CNTNAP3B: variants seen among roughly 807,000 people sequenced by gnomAD.
CNTNAP3B encodes contactin associated protein family member 3B, also known as contactin-associated protein-like 3B.
CNTNAP3B carries 25 observed loss-of-function variants against 108.9 expected under a neutral mutation model. That is an observed-to-expected ratio of 0.23 (90% CI 0.17 to 0.32). The LOEUF (loss-of-function observed/expected upper bound fraction) is 0.32. Ranked by LOEUF, CNTNAP3B falls within the 10% of genes least tolerant of loss-of-function variation. The pLI is 1.00. For missense variants in CNTNAP3B, 252 were observed against 1,210.4 expected, an observed-to-expected ratio of 0.21 and a Z score of 11.75; for synonymous variants, 103 against 473.4, an observed-to-expected ratio of 0.22 and a Z score of 10.16.
At chr9:41,925,090 T>C (rs932096247) in intron 15 of CNTNAP3B, among the ~76,000 whole-genome samples, 55 of 152,124 alleles carry the variant, frequency 3.6e-4, no homozygotes, top group Middle Eastern at 3.4e-3. Context: ...TTCTCCAACA[T>C]GAAGTTATTA....
Position 41,973,725 on chromosome 9 carries a change from G to A in CNTNAP3B, c.1478-3480C>T, listed in dbSNP as rs900503653. ...CAGGCTATATGCACAACCTGCAACC[G>A]TACAGAGTGCTGCTTGAAAAACACT... On this transcript the variant is annotated intron_variant, in intron 9 of 23. Coordinates refer to ENST00000377561, the MANE Select transcript of CNTNAP3B (RefSeq NM_001201380.3). 8.2e-4 allele frequency among the ~76,000 whole-genome samples: 114 copies of A among 139,626 alleles called. 20 individuals carry two copies. The highest frequency in any genetic ancestry group is 1.5e-3 in the Non-Finnish European group (97 of 65,002). The allele number at this position is 139,626 out of a possible 152,430, so 91.6% of individuals were successfully genotyped here. A position where few individuals can be genotyped will look rare whatever the true frequency, so the allele number is the denominator to read the frequency against.
intron 14 of CNTNAP3B, among the ~76,000 whole-genome samples, chr9:41,932,608 C>T (rs1824012878): frequency 6.6e-6 from 1 of 152,340 alleles, no homozygotes; most frequent in African/African-American, 2.4e-5. Flanking sequence ...CAACCTCCAC[C>T]CCCAGGATTC....
intron 13 of CNTNAP3B, among the ~76,000 whole-genome samples, chr9:41,951,754 T>G (rs1369034518): frequency 6.6e-6 from 1 of 152,038 alleles, no homozygotes; most frequent in Non-Finnish European, 1.5e-5. Flanking sequence ...AGATGCCGAC[T>G]GCACAGGTCT....
At chr9:41,958,547 C>A (rs552096043) in intron 12 of CNTNAP3B, among the ~76,000 whole-genome samples, 5 of 152,028 alleles carry the variant, frequency 3.3e-5, no homozygotes, top group African/African-American at 1.2e-4. Flanking sequence ...GTTCTGTAGT[C>A]CTGTGATTAG....
chr9:42,085,691 G>A (rs1204456949), intron 2 of CNTNAP3B, among the ~76,000 whole-genome samples: 2 of 133,912 alleles, frequency 1.5e-5, no homozygotes, highest in African/African-American at 6.2e-5. Flanking sequence ...CTGCATGACA[G>A]TTGAGCTGTC....
intron 2 of CNTNAP3B, among the ~76,000 whole-genome samples, chr9:42,097,966 G>A (rs1465775272): frequency 7.3e-6 from 1 of 137,884 alleles, no homozygotes; most frequent in Non-Finnish European, 1.6e-5. Context: ...GAGATCCATG[G>A]AAATGATGTA....
intron 9 of CNTNAP3B, among the ~76,000 whole-genome samples, chr9:41,977,431 T>C (rs948018266): frequency 7.2e-6 from 1 of 139,734 alleles, no homozygotes; most frequent in African/African-American, 2.8e-5. Context: ...TAGCAAATGT[T>C]TTAATACAAT....
intron 1 of CNTNAP3B, among the ~76,000 whole-genome samples, chr9:42,126,611 C>T (rs1828576097): frequency 7.4e-6 from 1 of 136,016 alleles, no homozygotes. Context: ...CTCTTGTTGC[C>T]CAGGCTGGAG....
intron 13 of CNTNAP3B, among the ~76,000 whole-genome samples, chr9:41,946,237 GGA>G (rs1824532162): frequency 7.4e-6 from 1 of 134,824 alleles, no homozygotes; most frequent in Non-Finnish European, 1.6e-5. Context: ...TCAATCAACT[GGA>G]TCTAACTGAA....
chr9:41,921,015 A>G (rs1340605025), intron 17 of CNTNAP3B, among the ~76,000 whole-genome samples: 6 of 152,288 alleles, frequency 3.9e-5, no homozygotes. Context: ...TGAAGGCGAC[A>G]ATTCTCAATG....
At chr9:42,085,838 G>A (rs1347833041) in intron 2 of CNTNAP3B, among the ~76,000 whole-genome samples, 2 of 142,724 alleles carry the variant, frequency 1.4e-5, no homozygotes, top group East Asian at 4.1e-4. Context: ...AGAGTAATTG[G>A]TAACATTAAG....
At chr9:41,942,995 T>C (rs566104173) in intron 13 of CNTNAP3B, among the ~76,000 whole-genome samples, 68 of 152,340 alleles carry the variant, frequency 4.5e-4, no homozygotes, top group African/African-American at 1.4e-3. Context: ...AATACAGTCT[T>C]ATGAGACGAA....
At chr9:41,961,648 T>C (rs1462660907) in intron 11 of CNTNAP3B, among the ~76,000 whole-genome samples, 1 of 152,306 alleles carries the variant, frequency 6.6e-6, no homozygotes, top group East Asian at 1.9e-4. Flanking sequence ...AAATGGAATT[T>C]ATAAGCTATC....
rs1291521701 is a variant in CNTNAP3B at position 42,113,934 on chromosome 9, C to G, written c.86-9195G>C. 2.2e-5 allele frequency among the ~76,000 whole-genome samples: 3 copies of G among 136,396 alleles called. 1 individual carries two copies. The highest frequency in any genetic ancestry group is 8.8e-5 in the African/African-American group (3 of 34,142). The allele number at this position is 136,396 out of a possible 152,430, so 89.5% of individuals were successfully genotyped here. A position where few individuals can be genotyped will look rare whatever the true frequency, so the allele number is the denominator to read the frequency against. On this transcript the variant is annotated intron_variant, in intron 1 of 23. Coordinates refer to ENST00000377561, the MANE Select transcript of CNTNAP3B (RefSeq NM_001201380.3). The stretch of plus-strand genomic sequence containing the variant: ...TCGATATATACACCTACTATGCAAC[C>G]ACAAAATTAAAAACTAAAAAAATTA...
At chr9:41,943,107 T>A in intron 13 of CNTNAP3B, among the ~76,000 whole-genome samples, 1 of 152,402 alleles carries the variant, frequency 6.6e-6, no homozygotes, top group South Asian at 2.1e-4. Context: ...GTGGGCAACA[T>A]GCAAGAAGAG....
rs562545515 is a variant in CNTNAP3B at position 42,113,034 on chromosome 9, C to G, written c.86-8295G>C. Among the ~76,000 whole-genome samples, 3 of 134,092 alleles carry G rather than the reference C, an allele frequency of 2.2e-5. 1 individual carries two copies. Among genetic ancestry groups the G allele is most frequent in the African/African-American group, 9.0e-5 (3 of 33,280 alleles). The allele number at this position is 134,092 out of a possible 152,430, so 88.0% of individuals were successfully genotyped here. ...CCTCCCAAAGTGCTGGGATTACAGG[C>G]GTGAGCCACCATGCCCGGTCAAGTT... On this transcript the variant is annotated intron_variant, in intron 1 of 23. Coordinates refer to ENST00000377561, the MANE Select transcript of CNTNAP3B (RefSeq NM_001201380.3).
intron 13 of CNTNAP3B, among the ~76,000 whole-genome samples, chr9:41,941,018 T>G (rs1195316942): frequency 1.3e-5 from 2 of 150,068 alleles, no homozygotes; most frequent in African/African-American, 2.5e-5. Flanking sequence ...ATTTTTGAAA[T>G]GATATATGAT....
At chr9:41,929,958 A>C (rs1472695585) in intron 14 of CNTNAP3B, among the ~76,000 whole-genome samples, 5 of 152,268 alleles carry the variant, frequency 3.3e-5, no homozygotes, top group Admixed American at 2.6e-4. Context: ...AAGGGGAAAA[A>C]TCAAGAAGGT....
rs1222572889 is a variant in CNTNAP3B at position 41,983,937 on chromosome 9, C to A, written c.1477+2231G>T. On this transcript the variant is annotated intron_variant, in intron 9 of 23. Coordinates refer to ENST00000377561, the MANE Select transcript of CNTNAP3B (RefSeq NM_001201380.3). ...TGATGGTGGGTGCCTGTAGTCCCAG[C>A]TACTCAGGAGGCTGAGGCAGGAGAA... Among the ~76,000 whole-genome samples the A allele has an allele frequency of 3.0e-5, 3 of 99,294 alleles. 1 individual carries two copies. Among genetic ancestry groups the A allele is most frequent in the African/African-American group, 1.2e-4 (3 of 25,356 alleles). 65.1% of individuals were successfully genotyped at this position (99,294 alleles called of 152,430 possible).
Sources: allele counts gnomAD v4.1 joint callset (sites outside exome capture counted in the v4.1 genomes callset), GRCh38; gene constraint gnomAD v4.1.1; transcripts MANE v1.5; gene names NCBI Gene and HGNC (gene_info 2026-07-23, HGNC 2026-07-21).